Variants in MEDAG observed in about 807,000 individuals in gnomAD.
MEDAG encodes mesenteric estrogen dependent adipogenesis.
In MEDAG, 25 loss-of-function variants were observed where a neutral mutation model predicts 29.9. That is an observed-to-expected ratio of 0.84 (90% CI 0.61 to 1.17). The LOEUF (loss-of-function observed/expected upper bound fraction) is 1.17. Among genes scored for constraint, MEDAG ranks in the 50% most tolerant of loss-of-function variants. MEDAG has a pLI of 0.00. For synonymous variants in MEDAG, 158 were observed against 148.2 expected (o/e 1.07, Z -0.48); for missense variants, 398 against 372.9 (o/e 1.07, Z -0.56).
At chr13:30,914,036 C>T (rs1056784833) in intron 1 of MEDAG, among the ~76,000 whole-genome samples, 4 of 152,048 alleles carry the variant, frequency 2.6e-5, no homozygotes, top group Admixed American at 6.6e-5. Flanking sequence ...AGTGAGACTC[C>T]ATCTCAAAAA....
chr13:30,916,998 A>G (rs1251384262), intron 1 of MEDAG, among the ~76,000 whole-genome samples: 1 of 152,124 alleles, frequency 6.6e-6, no homozygotes, highest in African/African-American at 2.4e-5. Context: ...AAAATTCAAG[A>G]CCCACAAGTT....
chr13:30,910,312 C>T (rs1952870518), intron 1 of MEDAG, among the ~76,000 whole-genome samples: 1 of 152,108 alleles, frequency 6.6e-6, no homozygotes, highest in Non-Finnish European at 1.5e-5. Flanking sequence ...GCTCCCCTAG[C>T]ATGAAAGAGG....
At chr13:30,923,417 T>C (rs550400899) in intron 4 of MEDAG, among the ~76,000 whole-genome samples, 2 of 152,158 alleles carry the variant, frequency 1.3e-5, no homozygotes, top group East Asian at 3.9e-4. Context: ...TCAGTCTCCA[T>C]CTCTTCCATC....
rs1952832965 is a variant in MEDAG, at chr13:30,906,652, G to A, written c.137G>A (p.Gly46Asp). Residue 46 changes from glycine to aspartate, a missense_variant, in exon 1 of 5, where the codon GGT (glycine) becomes GAT (aspartate). Coordinates refer to ENST00000380482, the MANE Select transcript of MEDAG (RefSeq NM_032849.4). ...PLAQLLRLQP[G>D]AFQLSGDQLV... ...GCTCAGCTGCTGCGCCTGCAGCCCG[G>A]TGCCTTCCAGCTGAGCGGCGACCAG... 6.4e-7 allele frequency: 1 copy of A among 1,570,968 alleles called. No individual in the cohort carries two copies. Among genetic ancestry groups the A allele is most frequent in the Non-Finnish European group, 8.6e-7 (1 of 1,166,502 alleles).
rs973762987 is a variant in MEDAG at position 30,925,141 on chromosome 13, G to A, written c.*706G>A. On this transcript the variant is annotated 3_prime_UTR_variant, in exon 5 of 5. Coordinates refer to ENST00000380482, the MANE Select transcript of MEDAG (RefSeq NM_032849.4). ...GAAGGAAGCCAGGAGATATGGTACC[G>A]AACAATGACAGGGGAAGGGTATTGG... 11 of 152,062 alleles carry A rather than the reference G, an allele frequency of 7.2e-5. No individual in the cohort carries two copies. The highest frequency in any genetic ancestry group is 1.3e-4 in the Non-Finnish European group (9 of 68,012). The allele number at this position is 152,062 out of a possible 1,614,324, so 9.4% of individuals were successfully genotyped here. A position where few individuals can be genotyped will look rare whatever the true frequency, so the allele number is the denominator to read the frequency against.
intron 1 of MEDAG, among the ~76,000 whole-genome samples, chr13:30,910,574 T>C (rs1375328662): frequency 1.3e-5 from 2 of 152,252 alleles, no homozygotes; most frequent in African/African-American, 4.8e-5. Flanking sequence ...ATAATCTTGC[T>C]TTCTCACTCA....
chr13:30,925,343 A>G lies in MEDAG; in HGVS notation c.*908A>G, dbSNP rs1005094034. ...AAAAGGAAAAAAAAATCCTATCTAC[A>G]TATAAAAACCTGCATGAATGAATCA... On this transcript the variant is annotated 3_prime_UTR_variant, in exon 5 of 5. Coordinates refer to ENST00000380482, the MANE Select transcript of MEDAG (RefSeq NM_032849.4). 1 of 152,230 alleles carries G rather than the reference A, an allele frequency of 6.6e-6. No individual in the cohort carries two copies. The highest frequency in any genetic ancestry group is 1.5e-5 in the Non-Finnish European group (1 of 68,036). 9.4% of individuals were successfully genotyped at this position (152,230 alleles called of 1,614,324 possible).
chr13:30,919,487 T>C lies in MEDAG; in HGVS notation c.389-1527T>C, dbSNP rs538153692. On this transcript the variant is annotated intron_variant, in intron 2 of 4. Coordinates refer to ENST00000380482, the MANE Select transcript of MEDAG (RefSeq NM_032849.4). ...TGAGTATATAATGACCCCAGAGGTG[T>C]TGGTTTGGTTTACATGAGATTTAAT... Among the ~76,000 whole-genome samples, 9 of 152,232 alleles carry C rather than the reference T, an allele frequency of 5.9e-5. No homozygotes were observed. In the East Asian group the frequency reaches 1.5e-3, roughly 26 times the overall value.
At chr13:30,918,298 C>T (rs1952949127) in intron 2 of MEDAG, among the ~76,000 whole-genome samples, 1 of 152,180 alleles carries the variant, frequency 6.6e-6, no homozygotes, top group African/African-American at 2.4e-5. Flanking sequence ...ACGTTATGAA[C>T]ATGAACATCA....
At position 30,921,597 on chromosome 13, in the gene MEDAG, C is replaced by G. The variant is rs758256977; in HGVS notation, c.538C>G (p.Pro180Ala). 6.2e-7 allele frequency: 1 copy of G among 1,607,920 alleles called. No individual in the cohort carries two copies. Among genetic ancestry groups the G allele is most frequent in the East Asian group, 2.2e-5 (1 of 44,824 alleles). ...AGAGGCAGTGAAGAATTTCTTCCCC[C>G]CAGGAAATGAAGTGGTTAATGGAGA... Reference protein sequence around the residue: ...FQEAVKNFFPPGNEVVNGENL... With the variant: ...FQEAVKNFFPAGNEVVNGENL... The change falls in exon 4 of 5, where the codon CCA (proline) becomes GCA (alanine). Residue 180 changes from proline to alanine, a missense_variant. Coordinates refer to ENST00000380482, the MANE Select transcript of MEDAG (RefSeq NM_032849.4).
At chr13:30,924,077 G>A (rs1345057600) in intron 4 of MEDAG, among the ~76,000 whole-genome samples, 2 of 152,176 alleles carry the variant, frequency 1.3e-5, no homozygotes, top group South Asian at 2.1e-4. Flanking sequence ...GTGTGAAAGA[G>A]TATATTAAGC....
At chr13:30,920,939 C>A in intron 2 of MEDAG, 75 bp from the exon 3 acceptor site, 5 of 1,207,924 alleles carry the variant, frequency 4.1e-6, no homozygotes, top group South Asian at 2.6e-5. Context: ...GGAACCACTG[C>A]AATAGCAAAT....
intron 1 of MEDAG, 111 bp downstream of exon 1, chr13:30,906,904 G>A: frequency 1.8e-6 from 2 of 1,131,780 alleles, no homozygotes; most frequent in East Asian, 3.0e-5. Context: ...GACACCGCGT[G>A]GCCCCTTGCT....
chr13:30,912,493 A>G (rs1952890770), intron 1 of MEDAG, among the ~76,000 whole-genome samples: 1 of 151,420 alleles, frequency 6.6e-6, no homozygotes, highest in South Asian at 2.1e-4. Flanking sequence ...AACTGTCCAT[A>G]TTTTTTTTAA....
chr13:30,913,906 G>A (rs867884399), intron 1 of MEDAG, among the ~76,000 whole-genome samples: 25 of 152,118 alleles, frequency 1.6e-4, no homozygotes, highest in African/African-American at 4.6e-4. Context: ...GCTGGGCATG[G>A]TGGTGCACGC....
chr13:30,915,347 T>C (rs966177370), intron 1 of MEDAG, among the ~76,000 whole-genome samples: 2 of 152,212 alleles, frequency 1.3e-5, no homozygotes, highest in African/African-American at 4.8e-5. Flanking sequence ...AATAGATGGA[T>C]GGCAAGAGGG....
intron 4 of MEDAG, 58 bp from the exon 5 acceptor site, chr13:30,924,253 T>G: frequency 6.6e-7 from 1 of 1,519,754 alleles, no homozygotes; most frequent in Non-Finnish European, 8.9e-7. Context: ...AAAGGCACTG[T>G]TGGTTTTTTT....
Position 30,924,808 on chromosome 13 carries a change from G to A in MEDAG, c.*373G>A, listed in dbSNP as rs1474473249. 2 of 162,876 alleles carry A rather than the reference G, an allele frequency of 1.2e-5. No individual in the cohort carries two copies. Among genetic ancestry groups the A allele is most frequent in the African/African-American group, 2.4e-5 (1 of 41,834 alleles). 10.1% of individuals were successfully genotyped at this position (162,876 alleles called of 1,614,324 possible). A position where few individuals can be genotyped will look rare whatever the true frequency, so the allele number is the denominator to read the frequency against. On this transcript the variant is annotated 3_prime_UTR_variant, in exon 5 of 5. Transcript: ENST00000380482. ...TTTTTGTGGCAGCCTTTGTGGGAGT[G>A]GTCTGACTGGCTGTTGACCTAGCAT...
At position 30,925,349 on chromosome 13, in the gene MEDAG, A is replaced by G. The variant is rs1252879334; in HGVS notation, c.*914A>G. On this transcript the variant is annotated 3_prime_UTR_variant, in exon 5 of 5. Transcript: ENST00000380482. ...AAAAAAAAATCCTATCTACATATAA[A>G]AACCTGCATGAATGAATCACTACAT... is the stretch of plus-strand genomic sequence containing the variant. 6.6e-6 allele frequency: 1 copy of G among 152,244 alleles called. No homozygotes were observed. Among genetic ancestry groups the G allele is most frequent in the Non-Finnish European group, 1.5e-5 (1 of 68,044 alleles). 9.4% of individuals were successfully genotyped at this position (152,244 alleles called of 1,614,324 possible). A position where few individuals can be genotyped will look rare whatever the true frequency, so the allele number is the denominator to read the frequency against.
Sources: allele counts gnomAD v4.1 joint callset (sites outside exome capture counted in the v4.1 genomes callset), GRCh38; gene constraint gnomAD v4.1.1; transcripts MANE v1.5; gene names NCBI Gene and HGNC (gene_info 2026-07-23, HGNC 2026-07-21).